Variants in GRM8 observed in about 807,000 individuals in gnomAD.
The protein encoded by GRM8 is glutamate metabotropic receptor 8.
A neutral mutation model predicts 87.2 loss-of-function variants in GRM8; 47 were observed. That is an observed-to-expected ratio of 0.54 (90% CI 0.43 to 0.69). The LOEUF is 0.69. Ranked by LOEUF, GRM8 falls within the 30% of genes least tolerant of loss-of-function variation. The probability of loss-of-function intolerance (pLI) is 0.00; values close to 1 mark genes in which losing one functional copy is unlikely to be tolerated. For synonymous variants in GRM8, 396 were observed against 404.5 expected (o/e 0.98, Z 0.25); for missense variants, 1,019 against 1,139.2 (o/e 0.89, Z 1.52).
At chr7:127,135,415 C>T (rs1827894366) in intron 2 of GRM8, among the ~76,000 whole-genome samples, 1 of 151,904 alleles carries the variant, frequency 6.6e-6, no homozygotes, top group African/African-American at 2.4e-5. Flanking sequence ...AATAGAACTA[C>T]AATTTAAAAT....
chr7:127,219,814 C>T (rs1210136326), intron 2 of GRM8: 1 of 152,244 alleles, frequency 6.6e-6, no homozygotes, highest in Non-Finnish European at 1.5e-5. Flanking sequence ...AAGCTCCACC[C>T]AGGGGAGACA....
At chr7:126,446,762 A>T (rs2150467325) in intron 9 of GRM8, among the ~76,000 whole-genome samples, 1 of 152,116 alleles carries the variant, frequency 6.6e-6, no homozygotes, top group East Asian at 1.9e-4. Context: ...CAATAAGTTT[A>T]ACCCAGAAGG....
intron 1 of GRM8, among the ~76,000 whole-genome samples, chr7:127,246,471 C>A (rs1164520589): frequency 6.6e-6 from 1 of 152,168 alleles, no homozygotes; most frequent in Non-Finnish European, 1.5e-5. Context: ...CTCCTGAAAC[C>A]AATCTCAGAG....
chr7:126,644,548 C>T (rs1056959712), intron 7 of GRM8, among the ~76,000 whole-genome samples: 1 of 152,158 alleles, frequency 6.6e-6, no homozygotes, highest in African/African-American at 2.4e-5. Context: ...AAAACATTGG[C>T]TAGTTTTCTG....
At chr7:126,600,033 G>T (rs1182222332) in intron 8 of GRM8, among the ~76,000 whole-genome samples, 3 of 152,116 alleles carry the variant, frequency 2.0e-5, no homozygotes. Flanking sequence ...ACCATTAAAA[G>T]AATTTAAAGT....
chr7:127,199,017 T>G (rs1795448458), intron 2 of GRM8, among the ~76,000 whole-genome samples: 1 of 152,116 alleles, frequency 6.6e-6, no homozygotes, highest in Non-Finnish European at 1.5e-5. Flanking sequence ...AATTTTGTAT[T>G]TTTAGTAGAG....
At chr7:126,585,332 A>C (rs1414275548) in intron 8 of GRM8, among the ~76,000 whole-genome samples, 1 of 152,196 alleles carries the variant, frequency 6.6e-6, no homozygotes, top group Non-Finnish European at 1.5e-5. Flanking sequence ...TTAAAAACAC[A>C]TCTCCTAATT....
intron 2 of GRM8, among the ~76,000 whole-genome samples, chr7:127,188,246 C>T (rs1386978947): frequency 6.6e-6 from 1 of 152,136 alleles, no homozygotes; most frequent in African/African-American, 2.4e-5. Context: ...ATACATGGCC[C>T]AAGTCATATA....
chr7:127,021,577 T>A (rs1262269964), intron 3 of GRM8, among the ~76,000 whole-genome samples: 1 of 152,030 alleles, frequency 6.6e-6, no homozygotes, highest in Non-Finnish European at 1.5e-5. Context: ...AATCAATGAC[T>A]CAAAGTGGTA....
intron 3 of GRM8, among the ~76,000 whole-genome samples, chr7:127,094,409 C>G (rs889826456): frequency 2.0e-5 from 3 of 152,112 alleles, no homozygotes; most frequent in Non-Finnish European, 4.4e-5. Flanking sequence ...CAAAATTCAC[C>G]CAAAGAACCA....
At chr7:126,996,930 T>C (rs997096840) in intron 3 of GRM8, among the ~76,000 whole-genome samples, 7 of 151,984 alleles carry the variant, frequency 4.6e-5, no homozygotes, top group African/African-American at 1.7e-4. Context: ...ATCCAGACTA[T>C]AGAACAAACG....
intron 3 of GRM8, among the ~76,000 whole-genome samples, chr7:126,993,114 T>G (rs1479936478): frequency 6.6e-6 from 1 of 152,110 alleles, no homozygotes; most frequent in Non-Finnish European, 1.5e-5. Flanking sequence ...ACGAATTCAC[T>G]GCAGATTTTT....
At chr7:126,902,471 C>G in intron 6 of GRM8, 71 bp downstream of exon 6, 1 of 1,245,048 alleles carries the variant, frequency 8.0e-7, no homozygotes, top group Non-Finnish European at 1.1e-6. Context: ...TATAGAAAAA[C>G]GTAATTTATC....
At chr7:126,878,256 C>T (rs1586293396) in intron 6 of GRM8, among the ~76,000 whole-genome samples, 1 of 152,172 alleles carries the variant, frequency 6.6e-6, no homozygotes. Flanking sequence ...GACAGCCATA[C>T]TTGATTTCCA....
intron 8 of GRM8, among the ~76,000 whole-genome samples, chr7:126,600,342 G>A (rs575965607): frequency 6.6e-6 from 1 of 152,164 alleles, no homozygotes; most frequent in South Asian, 2.1e-4. Flanking sequence ...ATTGGCAGAT[G>A]TGAAACCTGC....
intron 6 of GRM8, among the ~76,000 whole-genome samples, chr7:126,799,627 T>C (rs1370142154): frequency 6.6e-6 from 1 of 152,114 alleles, no homozygotes; most frequent in African/African-American, 2.4e-5. Context: ...CTCCATTCCT[T>C]CTTCCTCCAT....
At chr7:127,173,178 T>C (rs890411613) in intron 2 of GRM8, among the ~76,000 whole-genome samples, 1 of 152,128 alleles carries the variant, frequency 6.6e-6, no homozygotes, top group Non-Finnish European at 1.5e-5. Context: ...AATGAACAAG[T>C]AAATTATGTA....
chr7:127,116,244 T>A (rs1297758408), intron 2 of GRM8, among the ~76,000 whole-genome samples: 2 of 152,236 alleles, frequency 1.3e-5, no homozygotes, highest in Non-Finnish European at 2.9e-5. Flanking sequence ...TCCATATATT[T>A]CAGTACTCTG....
In GRM8 at chr7:127,127,604, T is replaced by C. The variant is rs367966103; in HGVS notation, c.511-20892A>G. On this transcript the variant is annotated intron_variant, in intron 2 of 10. Coordinates refer to ENST00000339582, the MANE Select transcript of GRM8 (RefSeq NM_000845.3). ...ACAAATCTAACCTACAGTGAGAAAA[T>C]AGATCAGTGATTTCCTGGGGCCAGA... is the stretch of plus-strand genomic sequence containing the variant. Among the ~76,000 whole-genome samples, 4 of 152,028 alleles carry C rather than the reference T, an allele frequency of 2.6e-5. No individual in the cohort carries two copies. The East Asian group carries it at 5.8e-4, about 22-fold the overall frequency.
Sources: allele counts gnomAD v4.1 joint callset (sites outside exome capture counted in the v4.1 genomes callset), GRCh38; gene constraint gnomAD v4.1.1; transcripts MANE v1.5; gene names NCBI Gene and HGNC (gene_info 2026-07-23, HGNC 2026-07-21).